STUM: variants seen among roughly 807,000 people sequenced by gnomAD.
STUM encodes the protein protein stum homolog.
STUM carries 8 observed loss-of-function variants against 15.3 expected under a neutral mutation model. The observed-to-expected ratio is 0.52, with a 90% CI of 0.31 to 0.94. The LOEUF (loss-of-function observed/expected upper bound fraction) is 0.94, where lower values mean the gene tolerates loss of function less well. Ranked by LOEUF, STUM falls within the 40% of genes least tolerant of loss-of-function variation. The pLI is 0.05. For synonymous variants in STUM, 78 were observed against 88.7 expected, an observed-to-expected ratio of 0.88 and a Z score of 0.68; for missense variants, 142 against 204.9, an observed-to-expected ratio of 0.69 and a Z score of 1.87.
intron 1 of STUM, among the ~76,000 whole-genome samples, chr1:226,577,144 G>A (rs775065675): frequency 1.3e-5 from 2 of 152,194 alleles, no homozygotes; most frequent in Non-Finnish European, 2.9e-5. Context: ...AAGTGGCAGA[G>A]CTGAGTCTCA....
At chr1:226,551,010 A>G (rs1216029029) in intron 1 of STUM, among the ~76,000 whole-genome samples, 9 of 152,196 alleles carry the variant, frequency 5.9e-5, no homozygotes, top group Admixed American at 5.2e-4. Context: ...GCAAACCACA[A>G]AAGTAATAAA....
Position 226,567,140 on chromosome 1 carries a change from T to C in STUM, c.202+18034T>C, listed in dbSNP as rs1667637011. Among the ~76,000 whole-genome samples the C allele has an allele frequency of 6.6e-6, 1 of 152,184 alleles. No homozygotes were observed. Among genetic ancestry groups the C allele is most frequent in the Non-Finnish European group, 1.5e-5 (1 of 68,020 alleles). On this transcript the variant is annotated intron_variant, in intron 1 of 3. Coordinates refer to ENST00000366788, the MANE Select transcript of STUM (RefSeq NM_001003665.4). The surrounding 1 kb of genome is among the most constrained non-coding windows in gnomAD (Gnocchi z 4.5). ...CAGCCTGTTCCTAGGATGAAGCCAG[T>C]AGGGTGGTGAGGCCGGGGCACCTGC...
At chr1:226,562,297 C>T (rs148985566) in intron 1 of STUM, among the ~76,000 whole-genome samples, 2,058 of 151,892 alleles carry the variant, frequency 0.014, 43 homozygotes, top group African/African-American at 0.042. Context: ...GATGAAACCC[C>T]GTCTCTACTA....
intron 1 of STUM, among the ~76,000 whole-genome samples, chr1:226,576,818 G>A (rs1340881172): frequency 6.6e-6 from 1 of 152,172 alleles, no homozygotes; most frequent in African/African-American, 2.4e-5. Context: ...TGGACACACA[G>A]CTCTTTGGGC....
At chr1:226,571,313 A>G (rs1667707540) in intron 1 of STUM, among the ~76,000 whole-genome samples, 1 of 152,230 alleles carries the variant, frequency 6.6e-6, no homozygotes, top group African/African-American at 2.4e-5. Context: ...GTATTGATGT[A>G]TTAAATAAGA....
intron 1 of STUM, among the ~76,000 whole-genome samples, chr1:226,557,915 G>A (rs994164642): frequency 3.3e-5 from 5 of 152,140 alleles, no homozygotes; most frequent in African/African-American, 9.7e-5. Context: ...TTCTGAAAAA[G>A]CATTTGACAA....
chr1:226,566,797 A>G (rs1667633268), intron 1 of STUM, among the ~76,000 whole-genome samples: 2 of 152,236 alleles, frequency 1.3e-5, no homozygotes, highest in Non-Finnish European at 2.9e-5. Flanking sequence ...ACGAAGGAAC[A>G]GATTTTAGAT....
At chr1:226,586,470 G>A (rs1471733123) in intron 1 of STUM, among the ~76,000 whole-genome samples, 3 of 152,154 alleles carry the variant, frequency 2.0e-5, no homozygotes, top group South Asian at 2.1e-4. Flanking sequence ...GATGAGGTCC[G>A]GGCATTAGCC....
intron 1 of STUM, among the ~76,000 whole-genome samples, chr1:226,589,900 C>A (rs540170019): frequency 7.2e-5 from 11 of 152,288 alleles, no homozygotes; most frequent in Admixed American, 2.0e-4. Flanking sequence ...AGGCTAATTC[C>A]TCCACCCATC....
At chr1:226,573,313 T>C (rs1268491162) in intron 1 of STUM, among the ~76,000 whole-genome samples, 1 of 152,212 alleles carries the variant, frequency 6.6e-6, no homozygotes. Flanking sequence ...TTAATGCACA[T>C]AGAGCTTTTG....
intron 1 of STUM, among the ~76,000 whole-genome samples, chr1:226,573,239 G>C (rs1461862165): frequency 6.6e-6 from 1 of 152,140 alleles, no homozygotes; most frequent in Non-Finnish European, 1.5e-5. Flanking sequence ...AGCATTTTTT[G>C]CTTCAGGTTT....
At chr1:226,562,595 A>G (rs1046161342) in intron 1 of STUM, among the ~76,000 whole-genome samples, 2 of 152,160 alleles carry the variant, frequency 1.3e-5, no homozygotes, top group Non-Finnish European at 2.9e-5. Flanking sequence ...ACACAATAGC[A>G]CTTTTGTAGT....
rs745549635 is a variant in STUM, at chr1:226,549,026, C to T, written c.122C>T (p.Pro41Leu). The T allele has an allele frequency of 3.2e-6, 5 of 1,582,940 alleles. No individual in the cohort carries two copies. Among genetic ancestry groups the T allele is most frequent in the African/African-American group, 2.8e-5 (2 of 71,134 alleles). Residue 41 changes from proline to leucine, a missense_variant, in exon 1 of 4, where the codon CCC becomes CTC. Pro to Leu is a moderately conservative substitution (Grantham distance 98). Transcript: ENST00000366788. This position sits in a 1 kb window ranked among gnomAD's most constrained non-coding sequence, Gnocchi z 6.8. ...VVVQVREKKG[P>L]LRAAIPYMPF... Reference sequence around the variant, plus strand: ...GTGCAGGTCCGCGAGAAGAAGGGCCCCCTGCGCGCCGCCATCCCCTACATG... The same window carrying T: ...GTGCAGGTCCGCGAGAAGAAGGGCCTCCTGCGCGCCGCCATCCCCTACATG...
chr1:226,590,952 C>T (rs1668074367), intron 1 of STUM, among the ~76,000 whole-genome samples: 1 of 152,182 alleles, frequency 6.6e-6, no homozygotes, highest in Non-Finnish European at 1.5e-5. Context: ...GTGTGAGCTC[C>T]CGGGCGGGGG....
chr1:226,608,850 T>C lies in STUM; in HGVS notation c.*6810T>C, dbSNP rs1046882513. 6.6e-6 allele frequency: 1 copy of C among 152,330 alleles called. No homozygotes were observed. The highest frequency in any genetic ancestry group is 2.4e-5 in the African/African-American group (1 of 41,446). 9.4% of individuals were successfully genotyped at this position (152,330 alleles called of 1,614,324 possible). A position where few individuals can be genotyped will look rare whatever the true frequency, so the allele number is the denominator to read the frequency against. On this transcript the variant is annotated 3_prime_UTR_variant, in exon 4 of 4. Coordinates refer to ENST00000366788, the MANE Select transcript of STUM (RefSeq NM_001003665.4). The surrounding 1 kb of genome is among the most constrained non-coding windows in gnomAD (Gnocchi z 4.0). ...TGCAGCTCAGCTTTCCCCAACACCC[T>C]CAGGACCCAGCCCCAGCCCCGGCAG...
At chr1:226,553,153 A>G (rs1667395478) in intron 1 of STUM, among the ~76,000 whole-genome samples, 1 of 152,230 alleles carries the variant, frequency 6.6e-6, no homozygotes, top group African/African-American at 2.4e-5. Context: ...AGTGAATCCT[A>G]TACAGAGTAG....
chr1:226,551,289 G>C (rs1667372843), intron 1 of STUM, among the ~76,000 whole-genome samples: 1 of 152,118 alleles, frequency 6.6e-6, no homozygotes, highest in African/African-American at 2.4e-5. Flanking sequence ...GGGGATGGTG[G>C]GTCCATCTTG....
In STUM at chr1:226,549,184, G is replaced by C. The variant is rs1667328040; in HGVS notation, c.202+78G>C. On this transcript the variant is annotated intron_variant, in intron 1 of 3. Coordinates refer to ENST00000366788, the MANE Select transcript of STUM (RefSeq NM_001003665.4). This position sits in a 1 kb window ranked among gnomAD's most constrained non-coding sequence, Gnocchi z 6.8. ...GTGGGGGGAGAGAAGGGCGCGGCCG[G>C]AGACCTCCTGGCGGGGCCGCGCGCT... 9.2e-6 allele frequency: 12 copies of C among 1,301,338 alleles called. No homozygotes were observed. Among genetic ancestry groups the C allele is most frequent in the Non-Finnish European group, 1.2e-5 (11 of 948,058 alleles). 80.6% of individuals were successfully genotyped at this position (1,301,338 alleles called of 1,614,324 possible).
At chr1:226,595,030 C>T (rs948714746) in intron 1 of STUM, among the ~76,000 whole-genome samples, 2 of 152,166 alleles carry the variant, frequency 1.3e-5, no homozygotes, top group African/African-American at 2.4e-5. Context: ...AGGTTGACTG[C>T]GAGCTGCAGA....
Sources: allele counts gnomAD v4.1 joint callset (sites outside exome capture counted in the v4.1 genomes callset), GRCh38; gene constraint gnomAD v4.1.1; non-coding constraint Gnocchi (gnomAD v3.1); transcripts MANE v1.5; gene names NCBI Gene and HGNC (gene_info 2026-07-23, HGNC 2026-07-21).